The following RAB2A variants were observed in gnomAD, a reference collection of about 807,000 sequenced individuals.
RAB2A encodes ras-related protein Rab-2A.
A neutral mutation model predicts 32.5 loss-of-function variants in RAB2A; 7 were observed. The observed-to-expected ratio is 0.22, with a 90% CI of 0.12 to 0.40. The LOEUF (loss-of-function observed/expected upper bound fraction) is 0.40, where lower values mean the gene tolerates loss of function less well. RAB2A is among the 10% of genes least tolerant of loss of function. RAB2A has a pLI of 1.00. For synonymous variants in RAB2A, 79 were observed against 85.2 expected, an observed-to-expected ratio of 0.93 and a Z score of 0.40; for missense variants, 108 against 260.7, an observed-to-expected ratio of 0.41 and a Z score of 4.03.
At chr8:60,573,933 C>G (rs117162592) in intron 3 of RAB2A, among the ~76,000 whole-genome samples, 2,432 of 152,324 alleles carry the variant, frequency 0.016, 28 homozygotes, top group Non-Finnish European at 0.024. Context: ...CAGGCGTGCA[C>G]CACCACACCC....
chr8:60,544,852 CTT>C (rs1260245748), intron 1 of RAB2A, among the ~76,000 whole-genome samples: 1 of 152,032 alleles, frequency 6.6e-6, no homozygotes, highest in Non-Finnish European at 1.5e-5. Flanking sequence ...AAAGGGCAGA[CTT>C]TATTTTTTCA....
At chr8:60,607,788 C>T (rs935061481) in intron 6 of RAB2A, among the ~76,000 whole-genome samples, 1 of 152,230 alleles carries the variant, frequency 6.6e-6, no homozygotes, top group Non-Finnish European at 1.5e-5. Flanking sequence ...TCTGTTCTAT[C>T]ACAGGACAAT....
intron 3 of RAB2A, among the ~76,000 whole-genome samples, chr8:60,577,484 C>T (rs1803653593): frequency 6.6e-6 from 1 of 152,196 alleles, no homozygotes; most frequent in Non-Finnish European, 1.5e-5. Context: ...TTTTCACCAC[C>T]CTTGCTGTGT....
At chr8:60,556,141 CAA>C (rs1489730707) in intron 1 of RAB2A, among the ~76,000 whole-genome samples, 4 of 151,944 alleles carry the variant, frequency 2.6e-5, no homozygotes, top group Non-Finnish European at 4.4e-5. Flanking sequence ...CTCGTATCCA[CAA>C]TAAGTAGTAG....
At chr8:60,551,776 C>T (rs1807850722) in intron 1 of RAB2A, among the ~76,000 whole-genome samples, 1 of 151,984 alleles carries the variant, frequency 6.6e-6, no homozygotes, top group African/African-American at 2.4e-5. Context: ...TCACTGCAAC[C>T]TCAAACTCCT....
At chr8:60,603,588 CAGCAGTATTG>C (rs980372738) in intron 6 of RAB2A, among the ~76,000 whole-genome samples, 1 of 152,152 alleles carries the variant, frequency 6.6e-6, no homozygotes, top group Admixed American at 6.5e-5. Context: ...TCCAAAATGT[CAGCAGTATTG>C]AGATTGAGAA....
At chr8:60,533,093 C>T (rs376359248) in intron 1 of RAB2A, among the ~76,000 whole-genome samples, 43 of 152,128 alleles carry the variant, frequency 2.8e-4, no homozygotes, top group African/African-American at 9.2e-4. Flanking sequence ...GTAAAATAAC[C>T]GTACAAATAC....
chr8:60,591,853 T>G lies in RAB2A; in HGVS notation c.363-5T>G. On this transcript the variant is annotated splice_region_variant and splice_polypyrimidine_tract_variant and intron_variant, in intron 5 of 7. Transcript: ENST00000262646. ...GTAATGTGACCCTTTCTTTCCCATG[T>G]TTAGTGATTTAGAATCTAGAAGAGA... 2.5e-6 allele frequency: 4 copies of G among 1,571,560 alleles called. No homozygotes were observed. Among genetic ancestry groups the G allele is most frequent in the Non-Finnish European group, 3.5e-6 (4 of 1,142,648 alleles).
At chr8:60,531,926 CCGAG>C (rs1435358796) in intron 1 of RAB2A, among the ~76,000 whole-genome samples, 1 of 151,958 alleles carries the variant, frequency 6.6e-6, no homozygotes, top group Non-Finnish European at 1.5e-5. Context: ...CCACACCCTC[CCGAG>C]TAGCTGGGAT....
At chr8:60,538,571 A>T (rs1354803483) in intron 1 of RAB2A, among the ~76,000 whole-genome samples, 1 of 152,234 alleles carries the variant, frequency 6.6e-6, no homozygotes, top group African/African-American at 2.4e-5. Context: ...CTGACATTCA[A>T]ACCTCATTGG....
At chr8:60,537,338 CA>C (rs58341736) in intron 1 of RAB2A, among the ~76,000 whole-genome samples, 21,764 of 152,100 alleles carry the variant, frequency 0.14, 1,713 homozygotes, top group East Asian at 0.26. Context: ...TCTCGTGCCC[CA>C]GCCTCCCAAG....
chr8:60,517,066 C>T lies in RAB2A; in HGVS notation c.-142C>T. 1.3e-6 allele frequency: 1 copy of T among 788,636 alleles called. No homozygotes were observed. Among genetic ancestry groups the T allele is most frequent in the South Asian group, 2.4e-5 (1 of 42,374 alleles). The allele number at this position is 788,636 out of a possible 1,614,324, so 48.9% of individuals were successfully genotyped here. On this transcript the variant is annotated 5_prime_UTR_variant, in exon 1 of 8. Transcript: ENST00000262646. Reference sequence around the variant, plus strand: ...TTCGTCCGGCTTCCTCACAGCCCCTCACTCCCGGCGGCTGACAGCAGCAGC... The same window carrying T: ...TTCGTCCGGCTTCCTCACAGCCCCTTACTCCCGGCGGCTGACAGCAGCAGC...
At chr8:60,548,675 CT>C (rs1807787348) in intron 1 of RAB2A, among the ~76,000 whole-genome samples, 1 of 146,304 alleles carries the variant, frequency 6.8e-6, no homozygotes, top group African/African-American at 2.6e-5. Flanking sequence ...GACGGAGTGG[CT>C]GGCCGGGCAG....
At chr8:60,577,002 A>C (rs570784032) in intron 3 of RAB2A, among the ~76,000 whole-genome samples, 1 of 152,192 alleles carries the variant, frequency 6.6e-6, no homozygotes, top group Non-Finnish European at 1.5e-5. Context: ...ACGTGGCAGC[A>C]CTAAAAGAAT....
chr8:60,533,974 A>G (rs999301462), intron 1 of RAB2A, among the ~76,000 whole-genome samples: 1 of 152,066 alleles, frequency 6.6e-6, no homozygotes, highest in African/African-American at 2.4e-5. Context: ...AAAACAAAAC[A>G]AAACAATAGC....
At chr8:60,565,497 G>A (rs945827630) in intron 2 of RAB2A, among the ~76,000 whole-genome samples, 1 of 151,406 alleles carries the variant, frequency 6.6e-6, no homozygotes, top group South Asian at 2.1e-4. Flanking sequence ...TAGAATTGAA[G>A]CATCATTTCT....
rs368948303 is a variant in RAB2A at position 60,561,756 on chromosome 8, C to G, written c.118+2833C>G. 5.3e-5 allele frequency among the ~76,000 whole-genome samples: 8 copies of G among 152,280 alleles called. No individual in the cohort carries two copies. In the East Asian group the frequency reaches 1.5e-3, roughly 29 times the overall value. On this transcript the variant is annotated intron_variant, in intron 2 of 7. Coordinates refer to ENST00000262646, the MANE Select transcript of RAB2A (RefSeq NM_002865.3). ...TGTTCTGTCCACTCTTTTCATGGGC[C>G]CAGAATCACTTTTGTACAACATGGT...
At chr8:60,579,849 G>A (rs572988300) in intron 3 of RAB2A, among the ~76,000 whole-genome samples, 95 of 151,846 alleles carry the variant, frequency 6.3e-4, no homozygotes, top group African/African-American at 2.2e-3. Flanking sequence ...GGATGGTCTC[G>A]ATCTCTTGAC....
intron 1 of RAB2A, among the ~76,000 whole-genome samples, chr8:60,539,024 G>A (rs1563462310): frequency 6.6e-6 from 1 of 152,260 alleles, no homozygotes; most frequent in East Asian, 1.9e-4. Flanking sequence ...TTTTGTTTTA[G>A]AAATTGATAG....
Sources: gnomAD v4.1 joint callset for allele counts (sites outside exome capture counted in the v4.1 genomes callset) on GRCh38, gnomAD v4.1.1 for gene constraint, MANE v1.5 for transcripts, NCBI Gene and HGNC (gene_info 2026-07-23, HGNC 2026-07-21) for gene names.